CAP1: variants seen among roughly 807,000 people sequenced by gnomAD.
CAP1 encodes cyclase associated actin cytoskeleton regulatory protein 1, also known as adenylyl cyclase-associated protein 1.
Under a neutral mutation model 58.2 loss-of-function variants are expected in CAP1, and 11 were observed. The ratio of observed to expected loss-of-function variants is 0.19; its 90% CI spans 0.12 to 0.31. The LOEUF (loss-of-function observed/expected upper bound fraction) is 0.31, where lower values mean the gene tolerates loss of function less well. Among genes scored for constraint, CAP1 ranks in the 10% least tolerant of loss-of-function variants. The pLI, the probability that CAP1 is intolerant of heterozygous loss-of-function variation, is 1.00. For missense variants in CAP1, 423 were observed against 587.5 expected (o/e 0.72, Z 2.89); for synonymous variants, 183 against 213.8 (o/e 0.86, Z 1.26).
At chr1:40,059,673 A>G (rs534105509) in intron 2 of CAP1, among the ~76,000 whole-genome samples, 17 of 152,296 alleles carry the variant, frequency 1.1e-4, no homozygotes, top group African/African-American at 3.6e-4. Context: ...TGCTTGTGCA[A>G]TATTTCCTGC....
intron 1 of CAP1, among the ~76,000 whole-genome samples, chr1:40,045,063 T>G (rs1296221350): frequency 6.6e-6 from 1 of 151,914 alleles, no homozygotes; most frequent in South Asian, 2.1e-4. Context: ...GGATTACAGG[T>G]GTGAGCCACC....
chr1:40,069,442 AAGGATT>A (rs1570430923), intron 8 of CAP1: 2 of 361,896 alleles, frequency 5.5e-6, no homozygotes, highest in East Asian at 9.7e-5. Flanking sequence ...CATAGAGGAT[AAGGATT>A]TACATATCCT....
Position 40,064,163 on chromosome 1 carries a change from CA to C in CAP1, c.295-63del. 2.1e-5 allele frequency: 33 copies of C among 1,537,318 alleles called. 1 individual carries two copies. The highest frequency in any genetic ancestry group is 2.9e-5 in the Non-Finnish European group (32 of 1,117,768). ...CATAGAGAATTCTTGCCTTCAGGAT[CA>C]GAAGGCATAGACACCTTTGTGGAAA... is the stretch of plus-strand genomic sequence containing the variant. On this transcript the variant is annotated intron_variant, in intron 4 of 12. Coordinates refer to ENST00000372805, the MANE Select transcript of CAP1 (RefSeq NM_006367.4).
chr1:40,069,455 TC>T, intron 8 of CAP1: 1 of 455,940 alleles, frequency 2.2e-6, no homozygotes, highest in South Asian at 3.0e-5. Context: ...GATTTACATA[TC>T]CTTATCCTCA....
At chr1:40,047,033 A>G (rs1646139958) in intron 1 of CAP1, among the ~76,000 whole-genome samples, 1 of 151,210 alleles carries the variant, frequency 6.6e-6, no homozygotes, top group African/African-American at 2.4e-5. Context: ...GGCCTCCCAA[A>G]GTGCTGGGAT....
At chr1:40,046,969 A>G (rs1646136799) in intron 1 of CAP1, among the ~76,000 whole-genome samples, 1 of 151,928 alleles carries the variant, frequency 6.6e-6, no homozygotes, top group Non-Finnish European at 1.5e-5. Flanking sequence ...GATGGGGTTT[A>G]ACTATATTGG....
chr1:40,058,996 A>G (rs1377312969), intron 1 of CAP1, among the ~76,000 whole-genome samples: 1 of 130,884 alleles, frequency 7.6e-6, no homozygotes, highest in Admixed American at 7.6e-5. Flanking sequence ...AAACTGAGAT[A>G]ATGTATGTGA....
intron 1 of CAP1, among the ~76,000 whole-genome samples, chr1:40,054,683 C>G (rs1212865985): frequency 6.6e-6 from 1 of 152,004 alleles, no homozygotes; most frequent in Non-Finnish European, 1.5e-5. Context: ...GCTCTGTCAC[C>G]CAGGCTGGAG....
chr1:40,070,258 G>A lies in CAP1; in HGVS notation c.1093G>A (p.Gly365Ser). The change falls in exon 10 of 13, where the codon GGC (glycine) becomes AGC (serine). Residue 365 changes from glycine to serine, a missense_variant. Physicochemically the swap from Gly to Ser is moderately conservative, Grantham distance 56 (BLOSUM62 0). Transcript: ENST00000372805. Reference protein sequence around the residue: ...KCVNTTLQIKGKINSITVDNC... With the variant: ...KCVNTTLQIKSKINSITVDNC... ...TGTCAACACGACATTGCAAATCAAG[G>A]GCAAAATTAACTCCATTACAGTAGG... 1 of 1,614,146 alleles carries A rather than the reference G, an allele frequency of 6.2e-7. No homozygotes were observed.
intron 1 of CAP1, among the ~76,000 whole-genome samples, chr1:40,048,270 T>G (rs2124197484): frequency 6.6e-6 from 1 of 152,244 alleles, no homozygotes; most frequent in Non-Finnish European, 1.5e-5. Context: ...CTCGAACTCC[T>G]GACCTCAGGT....
chr1:40,070,213 G>T lies in CAP1; in HGVS notation c.1048G>T (p.Val350Leu). 1 of 1,614,164 alleles carries T rather than the reference G, an allele frequency of 6.2e-7. No individual in the cohort carries two copies. Among genetic ancestry groups the T allele is most frequent in the Non-Finnish European group, 8.5e-7 (1 of 1,180,028 alleles). The change falls in exon 10 of 13, where the codon GTG becomes TTG. Residue 350 changes from valine to leucine, a missense_variant. Transcript: ENST00000372805. ...GATTGAGGACACAGAGCTGAAACAGGTGGCTTACATATACAAGTGTGTCAA... is the reference window on the plus strand; with the variant it reads ...GATTGAGGACACAGAGCTGAAACAGTTGGCTTACATATACAAGTGTGTCAA... ...LVIEDTELKQ[V>L]AYIYKCVNTT...
Position 40,066,295 on chromosome 1 carries a change from C to G in CAP1, c.605C>G (p.Thr202Ser), listed in dbSNP as rs373360623. The G allele has an allele frequency of 4.4e-6, 7 of 1,606,814 alleles. No individual in the cohort carries two copies. The African/African-American group carries it at 9.4e-5, about 21-fold the overall frequency. Residue 202 changes from threonine to serine, a missense_variant, in exon 7 of 13, where the codon ACC becomes AGC. Coordinates refer to ENST00000372805, the MANE Select transcript of CAP1 (RefSeq NM_006367.4). ...ELQAYIKEFH[T>S]TGLAWSKTGP... The stretch of plus-strand genomic sequence containing the variant: ...CAGGCTTACATTAAGGAGTTCCATA[C>G]CACCGGACTGGCCTGGAGCAAAACG...
chr1:40,066,460 A>G, intron 7 of CAP1, 140 bp downstream of exon 7: 1 of 626,254 alleles, frequency 1.6e-6, no homozygotes, highest in South Asian at 1.9e-5. Context: ...GAAGAAAAGG[A>G]GGAGAAAGAA....
intron 8 of CAP1, chr1:40,069,458 T>G (rs1647378445): frequency 2.1e-6 from 1 of 466,252 alleles, no homozygotes; most frequent in African/African-American, 2.1e-5. Context: ...TTACATATCC[T>G]TATCCTCACC....
At chr1:40,041,979 T>C (rs981969320) in intron 1 of CAP1, among the ~76,000 whole-genome samples, 3 of 152,212 alleles carry the variant, frequency 2.0e-5, no homozygotes, top group African/African-American at 7.2e-5. Context: ...GGGCTCTCTC[T>C]TCAAGAGAAA....
At chr1:40,041,858 C>G (rs573549002) in intron 1 of CAP1, among the ~76,000 whole-genome samples, 3 of 152,228 alleles carry the variant, frequency 2.0e-5, no homozygotes, top group African/African-American at 7.2e-5. Context: ...TCTGAAGAAG[C>G]AGAGTTTTTA....
chr1:40,061,401 GTTTGT>G (rs1646844412), intron 3 of CAP1, among the ~76,000 whole-genome samples: 1 of 152,116 alleles, frequency 6.6e-6, no homozygotes, highest in Non-Finnish European at 1.5e-5. Context: ...TTTGGTTGCT[GTTTGT>G]TTTATTTTGC....
chr1:40,059,006 A>G (rs1038695009), intron 1 of CAP1, among the ~76,000 whole-genome samples: 2 of 127,028 alleles, frequency 1.6e-5, no homozygotes, highest in Non-Finnish European at 3.4e-5. Flanking sequence ...AATGTATGTG[A>G]CTATCCTTTG....
At chr1:40,047,677 G>A (rs1171499106) in intron 1 of CAP1, among the ~76,000 whole-genome samples, 2 of 152,204 alleles carry the variant, frequency 1.3e-5, no homozygotes, top group African/African-American at 4.8e-5. Flanking sequence ...AGTAGAAAGG[G>A]ACTGCCGAGT....
Sources: allele counts gnomAD v4.1 joint callset (sites outside exome capture counted in the v4.1 genomes callset), GRCh38; gene constraint gnomAD v4.1.1; transcripts MANE v1.5; gene names NCBI Gene and HGNC (gene_info 2026-07-23, HGNC 2026-07-21).